The following ACTN3 variants were observed in gnomAD, a reference collection of about 807,000 sequenced individuals.
ACTN3 encodes the protein actinin alpha 3, also known as alpha-actinin-3.
ACTN3 carries 91 observed loss-of-function variants against 119.6 expected under a neutral mutation model. That is an observed-to-expected ratio of 0.76 (90% CI 0.64 to 0.91). The LOEUF is 0.91. Ranked by LOEUF, ACTN3 falls within the 40% of genes least tolerant of loss-of-function variation. ACTN3 has a pLI of 0.00. For synonymous variants in ACTN3, 456 were observed against 478.8 expected (o/e 0.95, Z 0.62); for missense variants, 1,221 against 1,215.1 (o/e 1.00, Z -0.07).
chr11:66,558,002 G>A (rs761213817), intron 10 of ACTN3, 25 bp from the exon 11 acceptor site: 1 of 1,613,576 alleles, frequency 6.2e-7, no homozygotes, highest in Non-Finnish European at 8.5e-7. Context: ...AACCGTGATG[G>A]AGCGCACCCC....
chr11:66,559,699 C>A lies in ACTN3; in HGVS notation c.1428-269C>A, dbSNP rs77881617. Among the ~76,000 whole-genome samples the A allele has an allele frequency of 7.9e-5, 12 of 152,008 alleles. No individual in the cohort carries two copies. In the South Asian group the frequency reaches 2.3e-3, roughly 29 times the overall value. On this transcript the variant is annotated intron_variant, in intron 12 of 20. Coordinates refer to ENST00000513398, the MANE Select transcript of ACTN3 (RefSeq NM_001104.4). ...TCCCCATCAGCCTTGGCCTGGCCAC[C>A]CCCTCCCATGAACCCGCCCCTTCTT...
Position 66,560,680 on chromosome 11 carries a change from G to A in ACTN3, c.1785G>A (p.Thr595=), listed in dbSNP as rs371097266. The change falls in exon 15 of 21, where the codon ACG becomes ACA. Residue 595 remains threonine, a synonymous_variant. Coordinates refer to ENST00000513398, the MANE Select transcript of ACTN3 (RefSeq NM_001104.4). ...IQGEIQKICQ[T]YGLRPCSTNP... is the part of the protein sequence containing the mutation. ...GTGAGATCCAGAAGATCTGCCAGACGTATGGGCTGCGGCCCTGCTCCACCA... is the reference window on the plus strand; with the variant it reads ...GTGAGATCCAGAAGATCTGCCAGACATATGGGCTGCGGCCCTGCTCCACCA... The A allele has an allele frequency of 2.5e-5, 41 of 1,613,932 alleles. No individual in the cohort carries two copies. Among genetic ancestry groups the A allele is most frequent in the African/African-American group, 8.0e-5 (6 of 75,040 alleles).
upstream of ACTN3, chr11:66,546,401 C>T (rs1241177820): frequency 2.6e-6 from 2 of 763,998 alleles, no homozygotes; most frequent in Non-Finnish European, 4.1e-6. Context: ...TATTAATAGC[C>T]CTGCCGCAGC....
rs1168716913 is a variant in ACTN3, at chr11:66,563,326, C to T, written c.*133C>T. The T allele has an allele frequency of 2.7e-6, 3 of 1,131,670 alleles. No individual in the cohort carries two copies. In the East Asian group the frequency reaches 8.0e-5, roughly 30 times the overall value. 70.1% of individuals were successfully genotyped at this position (1,131,670 alleles called of 1,614,324 possible). On this transcript the variant is annotated 3_prime_UTR_variant, in exon 21 of 21. Coordinates refer to ENST00000513398, the MANE Select transcript of ACTN3 (RefSeq NM_001104.4). ...TCTGAATAAAGATCCCTCTCTGGGT[C>T]TCTCCCCATCTCCTTTTAGTTCCTG...
At chr11:66,553,853 C>CAAAA (rs11448724) in intron 3 of ACTN3, among the ~76,000 whole-genome samples, 192 bp from the exon 4 acceptor site, 1 of 81,762 alleles carries the variant, frequency 1.2e-5, no homozygotes. Context: ...GACTCCATCT[C>CAAAA]AAAAAAAAAA....
At chr11:66,554,830 C>G (rs1340674596) in intron 5 of ACTN3, among the ~76,000 whole-genome samples, 8 of 152,156 alleles carry the variant, frequency 5.3e-5, no homozygotes, top group Admixed American at 5.2e-4. Context: ...GTTCCAGTAA[C>G]TCCTGGAGGA....
At chr11:66,557,069 G>C (rs887375586) in intron 8 of ACTN3, 64 bp from the exon 9 acceptor site, 1 of 1,475,502 alleles carries the variant, frequency 6.8e-7, no homozygotes, top group Non-Finnish European at 9.2e-7. Flanking sequence ...CGGGGCTCTG[G>C]GTTTTAAGGG....
At position 66,559,338 on chromosome 11, in the gene ACTN3, C is replaced by G; in HGVS notation, c.1379C>G (p.Ala460Gly). The G allele has an allele frequency of 6.4e-7, 1 of 1,569,832 alleles. No homozygotes were observed. Among genetic ancestry groups the G allele is most frequent in the East Asian group, 2.5e-5 (1 of 40,160 alleles). The part of the protein sequence containing the change: ...RHEAFESDLA[A>G]HQDRVEHIAA... ...GAGGCCTTTGAGAGCGACCTGGCGG[C>G]GCACCAGGACCGCGTGGAGCACATT... The change falls in exon 12 of 21, where the codon GCG becomes GGG. Residue 460 changes from alanine to glycine, a missense_variant. Around this residue, in one of 3 missense-constraint regions of ACTN3, gnomAD observed 934 missense variants for 899.9 expected, o/e 1.04. Coordinates refer to ENST00000513398, the MANE Select transcript of ACTN3 (RefSeq NM_001104.4).
chr11:66,561,561 AC>A lies in ACTN3; in HGVS notation c.2101del (p.Arg701GlyfsTer50), dbSNP rs772068953. On this transcript the variant is annotated frameshift_variant, in exon 17 of 21. Coordinates refer to ENST00000513398, the MANE Select transcript of ACTN3 (RefSeq NM_001104.4). LOFTEE classifies it high-confidence loss of function. ...QNIINYKTNI[D>X]RLEGDHQLLQ... Reference sequence around the variant, plus strand: ...ATTATCAACTACAAGACTAACATTGACCGGCTGGAGGGTGACCACCAGCTGC... The same window carrying A: ...ATTATCAACTACAAGACTAACATTGACGGCTGGAGGGTGACCACCAGCTGC... 4.3e-6 allele frequency: 7 copies of A among 1,612,636 alleles called. No homozygotes were observed. The highest frequency in any genetic ancestry group is 5.9e-6 in the Non-Finnish European group (7 of 1,179,446).
chr11:66,553,069 A>G (rs971492707), intron 3 of ACTN3, among the ~76,000 whole-genome samples: 1 of 151,742 alleles, frequency 6.6e-6, no homozygotes, highest in Non-Finnish European at 1.5e-5. Context: ...AGCCTGGCCA[A>G]TACAGTGAAA....
At position 66,556,560 on chromosome 11, in the gene ACTN3, C is replaced by T. The variant is rs1857594765; in HGVS notation, c.804+330C>T. ...GACCTCAGCCTCCTGCCTCAGCCTC[C>T]CCAGTAGCTGGGACTACAGGCACGT... On this transcript the variant is annotated intron_variant, in intron 8 of 20. Transcript: ENST00000513398. 2.0e-5 allele frequency among the ~76,000 whole-genome samples: 3 copies of T among 152,106 alleles called. No individual in the cohort carries two copies. The South Asian group carries it at 6.2e-4, about 32-fold the overall frequency.
chr11:66,562,912 T>G lies in ACTN3; in HGVS notation c.2505T>G (p.Thr835=), dbSNP rs372736156. 2.5e-6 allele frequency: 4 copies of G among 1,613,710 alleles called. No individual in the cohort carries two copies. The highest frequency in any genetic ancestry group is 3.4e-6 in the Non-Finnish European group (4 of 1,179,764). Residue 835 remains threonine, a synonymous_variant, in exon 20 of 21, where the codon ACT becomes ACG. Transcript: ENST00000513398. Reference sequence around the variant, plus strand: ...GAGAGACAGCCGAGACTGACACGACTGAGCAAGTTGTAGCTTCCTTCAAGA... The same window carrying G: ...GAGAGACAGCCGAGACTGACACGACGGAGCAAGTTGTAGCTTCCTTCAAGA... The part of the protein sequence containing the change: ...MTRETAETDT[T]EQVVASFKIL...
chr11:66,553,231 G>A (rs1273681410), intron 3 of ACTN3, among the ~76,000 whole-genome samples: 2 of 151,898 alleles, frequency 1.3e-5, no homozygotes, highest in African/African-American at 4.8e-5. Flanking sequence ...TCCAGCCCGG[G>A]CAACAGAGCA....
In ACTN3 at chr11:66,557,770, G is replaced by A. The variant is rs1432829883; in HGVS notation, c.969G>A (p.Met323Ile). The change falls in exon 10 of 21, where the codon ATG becomes ATA. Residue 323 changes from methionine (M) to isoleucine (I), a missense_variant. By Grantham distance (10) the Met-to-Ile change is conservative (BLOSUM62 1). Transcript: ENST00000513398. ...NRVGEPSMSA[M>I]QRKLEDFRDY... The stretch of plus-strand genomic sequence containing the variant: ...TGGGTGAGCCCAGCATGAGTGCCAT[G>A]CAGCGCAAACTAGAGGACTTTCGGG... 1.4e-5 allele frequency: 22 copies of A among 1,613,778 alleles called. No individual in the cohort carries two copies. The highest frequency in any genetic ancestry group is 1.9e-5 in the Non-Finnish European group (22 of 1,179,882).
intron 4 of ACTN3, 73 bp from the exon 5 acceptor site, chr11:66,554,456 CAAAAAAA>C (rs574346914): frequency 3.5e-6 from 3 of 851,242 alleles, no homozygotes; most frequent in Admixed American, 6.3e-5. Context: ...GACCCTGTCT[CAAAAAAA>C]AAAAAAAAAG....
intron 17 of ACTN3, 77 bp from the exon 18 acceptor site, chr11:66,561,945 G>A (rs1857781234): frequency 6.5e-7 from 1 of 1,528,042 alleles, no homozygotes; most frequent in African/African-American, 1.4e-5. Context: ...GGGTCATTCA[G>A]TGAACTGGAT....
intron 1 of ACTN3, 62 bp downstream of exon 1, chr11:66,547,146 T>C: frequency 6.9e-7 from 1 of 1,442,674 alleles, no homozygotes; most frequent in Non-Finnish European, 9.1e-7. Context: ...CTGTTTGTCC[T>C]GGGCATCTCA....
rs769779821 is a variant in ACTN3 at position 66,557,894 on chromosome 11, C to T, written c.1093C>T (p.Pro365Ser). The T allele has an allele frequency of 1.8e-4, 297 of 1,613,976 alleles. 3 individuals carry two copies. The South Asian group carries it at 3.1e-3, about 17-fold the overall frequency. Residue 365 changes from proline to serine, a missense_variant, in exon 10 of 21, where the codon CCT (proline) becomes TCT (serine). This residue lies in a region of ACTN3 where 934 missense variants were observed against 899.9 expected (regional missense o/e 1.04). Transcript: ENST00000513398. ...LQTKLRLSHR[P>S]AFMPSEGKLV... is the part of the protein sequence containing the mutation. ...GACCAAGTTGCGGCTCAGCCACCGG[C>T]CTGCCTTCATGCCCTCCGAGGGCAA...
chr11:66,552,431 G>GT (rs1590804838), intron 3 of ACTN3, among the ~76,000 whole-genome samples: 1 of 151,950 alleles, frequency 6.6e-6, no homozygotes, highest in East Asian at 2.0e-4. Flanking sequence ...CCAAACCCTA[G>GT]TAAGAGTTTA....
Sources: gnomAD v4.1 joint callset for allele counts (sites outside exome capture counted in the v4.1 genomes callset) on GRCh38, gnomAD v4.1.1 for gene constraint, gnomAD v4.1.1 regional missense constraint, MANE v1.5 for transcripts, NCBI Gene and HGNC (gene_info 2026-07-23, HGNC 2026-07-21) for gene names.